The following C8orf34 variants were observed in gnomAD, a reference collection of about 807,000 sequenced individuals.
The protein encoded by C8orf34 is uncharacterized protein C8orf34.
C8orf34 carries 65 observed loss-of-function variants against 68.3 expected under a neutral mutation model. The observed-to-expected ratio is 0.95, with a 90% CI of 0.78 to 1.17. The LOEUF (loss-of-function observed/expected upper bound fraction) is 1.17. C8orf34 is among the 50% of genes most tolerant of loss of function. C8orf34 has a pLI of 0.00. For missense variants in C8orf34, 664 were observed against 655.4 expected, an observed-to-expected ratio of 1.01 and a Z score of -0.14; for synonymous variants, 244 against 241.2, an observed-to-expected ratio of 1.01 and a Z score of -0.11.
At chr8:68,724,686 G>T (rs1437129838) in intron 10 of C8orf34, among the ~76,000 whole-genome samples, 3 of 152,120 alleles carry the variant, frequency 2.0e-5, no homozygotes, top group African/African-American at 7.2e-5. Flanking sequence ...AACTGTATTT[G>T]TCAGGTAAAG....
intron 1 of C8orf34, among the ~76,000 whole-genome samples, chr8:68,388,332 T>C (rs1808345129): frequency 6.6e-6 from 1 of 152,184 alleles, no homozygotes; most frequent in South Asian, 2.1e-4. Flanking sequence ...GAGTCTGACA[T>C]AGCTTTCCTT....
At chr8:68,770,930 C>T (rs1823319296) in intron 10 of C8orf34, among the ~76,000 whole-genome samples, 1 of 152,078 alleles carries the variant, frequency 6.6e-6, no homozygotes, top group Admixed American at 6.6e-5. Context: ...TCTTAAAATG[C>T]CACTGTGTTT....
chr8:68,352,437 A>G (rs760430682), intron 1 of C8orf34, among the ~76,000 whole-genome samples: 4 of 152,094 alleles, frequency 2.6e-5, no homozygotes, highest in Non-Finnish European at 5.9e-5. Context: ...TAGAAAATGT[A>G]GACATTTGCT....
intron 1 of C8orf34, among the ~76,000 whole-genome samples, chr8:68,367,896 T>A (rs1190961177): frequency 2.8e-4 from 4 of 14,232 alleles, no homozygotes; most frequent in African/African-American, 4.6e-4. Flanking sequence ...ACCTAAAGTA[T>A]AATAAAAAAA....
chr8:68,470,026 C>G (rs1023675126), intron 4 of C8orf34, among the ~76,000 whole-genome samples: 7 of 151,424 alleles, frequency 4.6e-5, no homozygotes, highest in African/African-American at 1.7e-4. Context: ...GCAGTGAACC[C>G]CTTTCAGAAG....
At chr8:68,635,449 A>G (rs1466273640) in intron 7 of C8orf34, among the ~76,000 whole-genome samples, 1 of 152,210 alleles carries the variant, frequency 6.6e-6, no homozygotes, top group East Asian at 1.9e-4. Context: ...GCTCCAAGAT[A>G]AAAAAAGAGA....
At chr8:68,553,935 G>C (rs551312465) in intron 7 of C8orf34, among the ~76,000 whole-genome samples, 33 of 152,034 alleles carry the variant, frequency 2.2e-4, no homozygotes, top group African/African-American at 3.1e-4. Flanking sequence ...AGTTTAATAA[G>C]TTGAAATAAT....
intron 4 of C8orf34, among the ~76,000 whole-genome samples, chr8:68,481,437 G>A (rs1812855525): frequency 6.6e-6 from 1 of 152,218 alleles, no homozygotes; most frequent in African/African-American, 2.4e-5. Flanking sequence ...GTGGAGCTGT[G>A]AGAAGAGGAC....
intron 1 of C8orf34, among the ~76,000 whole-genome samples, chr8:68,385,995 G>C (rs1341499805): frequency 1.3e-5 from 2 of 152,092 alleles, no homozygotes; most frequent in African/African-American, 4.8e-5. Context: ...AACCTCCTGG[G>C]CTCAAGTGAC....
intron 12 of C8orf34, among the ~76,000 whole-genome samples, chr8:68,788,543 A>G (rs934649035): frequency 3.9e-5 from 6 of 152,184 alleles, no homozygotes; most frequent in African/African-American, 1.4e-4. Context: ...CTATTGAAGG[A>G]AAACAGCAAC....
intron 4 of C8orf34, among the ~76,000 whole-genome samples, chr8:68,473,309 G>A (rs1385613333): frequency 6.6e-6 from 1 of 152,038 alleles, no homozygotes; most frequent in African/African-American, 2.4e-5. Flanking sequence ...ACTTACATAG[G>A]GCCCAAAGAC....
intron 4 of C8orf34, among the ~76,000 whole-genome samples, chr8:68,487,742 G>A (rs1813138918): frequency 6.6e-6 from 1 of 152,166 alleles, no homozygotes; most frequent in African/African-American, 2.4e-5. Flanking sequence ...ACATTCGCAA[G>A]TTTGTTCTGC....
At chr8:68,411,997 G>C (rs1041893733) in intron 1 of C8orf34, among the ~76,000 whole-genome samples, 2 of 152,160 alleles carry the variant, frequency 1.3e-5, no homozygotes, top group African/African-American at 4.8e-5. Flanking sequence ...CCTTAAAAAG[G>C]ACCTGAAGTA....
At chr8:68,437,933 T>C (rs939329837) in intron 1 of C8orf34, 4 of 152,182 alleles carry the variant, frequency 2.6e-5, no homozygotes, top group Non-Finnish European at 4.4e-5. Flanking sequence ...AGCCATGTTT[T>C]CCTACACTTA....
At chr8:68,435,413 G>T (rs571877731) in intron 1 of C8orf34, among the ~76,000 whole-genome samples, 3 of 152,068 alleles carry the variant, frequency 2.0e-5, no homozygotes, top group East Asian at 1.9e-4. Context: ...GTTTGAGGGG[G>T]TATCACCAAA....
chr8:68,431,257 T>G (rs1810440093), intron 1 of C8orf34, among the ~76,000 whole-genome samples: 1 of 152,188 alleles, frequency 6.6e-6, no homozygotes, highest in Admixed American at 6.5e-5. Context: ...ATTCTGTCAT[T>G]CTGAGCACCT....
intron 1 of C8orf34, among the ~76,000 whole-genome samples, chr8:68,348,557 C>G (rs533307758): frequency 6.6e-5 from 10 of 151,890 alleles, no homozygotes; most frequent in African/African-American, 2.4e-4. Context: ...CTTGGGCAGT[C>G]TAGTCATTTT....
At chr8:68,742,232 A>G (rs987160106) in intron 10 of C8orf34, among the ~76,000 whole-genome samples, 12 of 152,112 alleles carry the variant, frequency 7.9e-5, no homozygotes, top group Admixed American at 6.5e-5. Flanking sequence ...TGAACAGTGC[A>G]TTTCATCAAT....
intron 5 of C8orf34, among the ~76,000 whole-genome samples, chr8:68,506,893 G>C (rs1295850951): frequency 6.6e-6 from 1 of 152,076 alleles, no homozygotes; most frequent in Non-Finnish European, 1.5e-5. Flanking sequence ...AAGTTTTCTA[G>C]AGCCGTTTTT....
Sources: allele counts gnomAD v4.1 joint callset (sites outside exome capture counted in the v4.1 genomes callset), GRCh38; gene constraint gnomAD v4.1.1; transcripts MANE v1.5; gene names NCBI Gene and HGNC (gene_info 2026-07-23, HGNC 2026-07-21).